The following ST6GAL1 variants were observed in gnomAD, a reference collection of about 807,000 sequenced individuals.
ST6GAL1 encodes the protein ST6 beta-galactoside alpha-2,6-sialyltransferase 1.
In ST6GAL1, 20 loss-of-function variants were observed where a neutral mutation model predicts 38.0. The observed-to-expected ratio is 0.53, with a 90% confidence interval of 0.37 to 0.77. The LOEUF is 0.77. Ranked by LOEUF, ST6GAL1 falls within the 30% of genes least tolerant of loss-of-function variation. The pLI, the probability that ST6GAL1 is intolerant of heterozygous loss-of-function variation, is 0.00. For synonymous variants in ST6GAL1, 196 were observed against 188.2 expected (o/e 1.04, Z -0.34); for missense variants, 432 against 496.4 (o/e 0.87, Z 1.23).
At chr3:186,987,231 G>GAAGGAAGA (rs1318012565) in intron 2 of ST6GAL1, among the ~76,000 whole-genome samples, 1 of 151,804 alleles carries the variant, frequency 6.6e-6, no homozygotes, top group Admixed American at 6.6e-5. Context: ...AGCAAGGAAG[G>GAAGGAAGA]AAGGAAGAAA....
chr3:187,012,324 C>T (rs746365660), intron 2 of ST6GAL1, among the ~76,000 whole-genome samples: 1 of 151,828 alleles, frequency 6.6e-6, no homozygotes, highest in Admixed American at 6.6e-5. Flanking sequence ...GTGGCACGAT[C>T]TCGGCTCACT....
intron 1 of ST6GAL1, among the ~76,000 whole-genome samples, chr3:186,932,444 C>T (rs1713791895): frequency 6.6e-6 from 1 of 152,248 alleles, no homozygotes; most frequent in African/African-American, 2.4e-5. Context: ...GAAAGCTGCA[C>T]CCTTCCATTA....
chr3:187,067,538 C>T (rs987995006), intron 5 of ST6GAL1, among the ~76,000 whole-genome samples: 2 of 151,922 alleles, frequency 1.3e-5, no homozygotes, highest in Non-Finnish European at 2.9e-5. Flanking sequence ...GATCCCAGCC[C>T]CAGCCACTTT....
At chr3:186,946,184 C>T (rs992472046) in intron 1 of ST6GAL1, among the ~76,000 whole-genome samples, 9 of 151,262 alleles carry the variant, frequency 5.9e-5, no homozygotes, top group East Asian at 5.8e-4. Flanking sequence ...TGGTGGCGGG[C>T]GCCTGTAATC....
rs2108521388 is a variant in ST6GAL1 at position 186,952,435 on chromosome 3, CTT to C, written c.-324-11347_-324-11346del. Among the ~76,000 whole-genome samples, 1 of 152,220 alleles carries C rather than the reference CTT, an allele frequency of 6.6e-6. No individual in the cohort carries two copies. Among genetic ancestry groups the C allele is most frequent in the East Asian group, 1.9e-4 (1 of 5,188 alleles). ...GGCTTCTGGAACATCACTGTCTTTG[CTT>C]TTCCTCTTCTCTCACTAGGTTCTCC... On this transcript the variant is annotated intron_variant, in intron 1 of 7. Transcript: ENST00000169298. This position sits in a 1 kb window ranked among gnomAD's most constrained non-coding sequence, Gnocchi z 4.1.
chr3:186,962,946 T>C (rs1714980001), intron 1 of ST6GAL1, among the ~76,000 whole-genome samples: 2 of 152,196 alleles, frequency 1.3e-5, no homozygotes, highest in African/African-American at 4.8e-5. Flanking sequence ...CTAGCTTTAT[T>C]ACATCTTTAT....
chr3:187,062,574 TCACACACA>T (rs57175575), intron 5 of ST6GAL1, among the ~76,000 whole-genome samples: 20 of 143,808 alleles, frequency 1.4e-4, no homozygotes, highest in South Asian at 2.4e-4. Context: ...AATAAGCCAG[TCACACACA>T]CACACACACA....
intron 1 of ST6GAL1, among the ~76,000 whole-genome samples, chr3:186,937,631 G>A (rs1714008299): frequency 6.9e-6 from 1 of 145,480 alleles, no homozygotes; most frequent in Admixed American, 7.1e-5. Flanking sequence ...GGAGGCAGGG[G>A]TAACAAGAGA....
chr3:186,940,107 C>G (rs562177775), intron 1 of ST6GAL1, among the ~76,000 whole-genome samples: 34 of 152,332 alleles, frequency 2.2e-4, no homozygotes, highest in African/African-American at 7.9e-4. Flanking sequence ...TGGACTGTGA[C>G]TTGTGGTCTC....
rs36234165 is a variant in ST6GAL1, at chr3:186,948,528, AGTGTGTGTGTGTGT to A, written c.-324-15228_-324-15215del. ...ATGCTCTTGGGGGTTCAGAAACTCT[AGTGTGTGTGTGTGT>A]GTGTGTGTGTGTGTGTGTGTGTGTG... On this transcript the variant is annotated intron_variant, in intron 1 of 7. Transcript: ENST00000169298. 6.4e-4 allele frequency among the ~76,000 whole-genome samples: 94 copies of A among 146,348 alleles called. 1 individual carries two copies. The South Asian group carries it at 0.011, about 18-fold the overall frequency.
At chr3:187,007,743 A>AT (rs1348793581) in intron 2 of ST6GAL1, among the ~76,000 whole-genome samples, 1 of 152,236 alleles carries the variant, frequency 6.6e-6, no homozygotes, top group Non-Finnish European at 1.5e-5. Flanking sequence ...AGATCGTGAA[A>AT]TTATTAGACA....
intron 5 of ST6GAL1, among the ~76,000 whole-genome samples, chr3:187,068,229 C>G (rs1719237793): frequency 6.6e-6 from 1 of 151,844 alleles, no homozygotes; most frequent in Non-Finnish European, 1.5e-5. Context: ...GTCGTACCAG[C>G]TACTTGGGAG....
chr3:186,984,803 CCA>C (rs774042259), intron 2 of ST6GAL1, among the ~76,000 whole-genome samples: 2,521 of 34,136 alleles, frequency 0.074, 14 homozygotes, highest in Middle Eastern at 0.097. Context: ...TTCCTTCCTT[CCA>C]TCCTTCCTTC....
At position 187,076,000 on chromosome 3, in the gene ST6GAL1, T is replaced by C; in HGVS notation, c.*197T>C. On this transcript the variant is annotated 3_prime_UTR_variant, in exon 8 of 8. Transcript: ENST00000169298. This position sits in a 1 kb window ranked among gnomAD's most constrained non-coding sequence, Gnocchi z 4.1. ...GCCTTCCCTGTAGCCAGACAGTTTA[T>C]GAGCCCAGAGCCTCCTGCCACACAC... 1.3e-6 allele frequency: 1 copy of C among 749,270 alleles called. No homozygotes were observed. The highest frequency in any genetic ancestry group is 1.8e-5 in the African/African-American group (1 of 56,586). 46.4% of individuals were successfully genotyped at this position (749,270 alleles called of 1,614,324 possible).
chr3:187,071,754 G>A (rs1314153698), intron 5 of ST6GAL1, among the ~76,000 whole-genome samples: 5 of 123,174 alleles, frequency 4.1e-5, no homozygotes, highest in East Asian at 5.5e-4. Flanking sequence ...AGGCTGTGTC[G>A]CCTTTTTTTG....
At chr3:187,009,962 G>A (rs879371275) in intron 2 of ST6GAL1, among the ~76,000 whole-genome samples, 7 of 152,188 alleles carry the variant, frequency 4.6e-5, no homozygotes, top group South Asian at 2.1e-4. Context: ...CCGAGATCAC[G>A]CCACTGCACT....
chr3:186,936,549 T>C (rs2108512996), intron 1 of ST6GAL1, among the ~76,000 whole-genome samples: 1 of 152,334 alleles, frequency 6.6e-6, no homozygotes, highest in African/African-American at 2.4e-5. Context: ...CATATTAAAA[T>C]ACTGAGATGA....
intron 2 of ST6GAL1, among the ~76,000 whole-genome samples, chr3:187,013,997 T>A (rs149059672): frequency 6.6e-6 from 1 of 152,338 alleles, no homozygotes; most frequent in East Asian, 1.9e-4. Flanking sequence ...TGAAGACTTT[T>A]CACACCCAAC....
intron 4 of ST6GAL1, among the ~76,000 whole-genome samples, chr3:187,045,549 A>AGAAG (rs1476034493): frequency 1.3e-5 from 2 of 152,180 alleles, no homozygotes; most frequent in African/African-American, 4.8e-5. Context: ...TGCTCTTTTC[A>AGAAG]TCCTCCCAGA....
Sources: gnomAD v4.1 joint callset for allele counts (sites outside exome capture counted in the v4.1 genomes callset) on GRCh38, gnomAD v4.1.1 for gene constraint, Gnocchi (gnomAD v3.1) non-coding constraint, MANE v1.5 for transcripts, NCBI Gene and HGNC (gene_info 2026-07-23, HGNC 2026-07-21) for gene names.